The following CD163L1 variants were observed in gnomAD, a reference collection of about 807,000 sequenced individuals.
The protein encoded by CD163L1 is CD163 molecule like 1, also known as scavenger receptor cysteine-rich type 1 protein M160.
In CD163L1, 124 loss-of-function variants were observed where a neutral mutation model predicts 165.4. The ratio of observed to expected loss-of-function variants is 0.75; its 90% CI spans 0.65 to 0.87. The LOEUF is 0.87. Ranked by LOEUF, CD163L1 falls within the 40% of genes least tolerant of loss-of-function variation. CD163L1 has a pLI of 0.00. For synonymous variants in CD163L1, 585 were observed against 662.2 expected, an observed-to-expected ratio of 0.88 and a Z score of 1.79; for missense variants, 1,525 against 1,799.9, an observed-to-expected ratio of 0.85 and a Z score of 2.76.
At chr12:7,378,419 AC>A in intron 9 of CD163L1, among the ~76,000 whole-genome samples, 1 of 152,268 alleles carries the variant, frequency 6.6e-6, no homozygotes, top group Admixed American at 6.5e-5. Context: ...CATGCTTACA[AC>A]CTTCAATGAT....
At chr12:7,324,536 A>C in the CD163L1 span, 2 of 1,614,000 alleles carry the variant, frequency 1.2e-6, no homozygotes, top group Non-Finnish European at 8.5e-7. Context: ...GAGTGCACTC[A>C]TTGAGCATCC....
intron 4 of CD163L1, among the ~76,000 whole-genome samples, chr12:7,348,564 C>G (rs928334513): frequency 1.1e-4 from 16 of 151,966 alleles, no homozygotes; most frequent in African/African-American, 3.4e-4. Flanking sequence ...AATCCAGGCT[C>G]TTCATTTATA....
At chr12:7,380,641 G>A (rs1591902450) in intron 8 of CD163L1, among the ~76,000 whole-genome samples, 1 of 152,050 alleles carries the variant, frequency 6.6e-6, no homozygotes, top group Admixed American at 6.6e-5. Flanking sequence ...AAGGGTACGA[G>A]GGGTTTGAGG....
At chr12:7,404,092 A>T (rs1947968400) in intron 5 of CD163L1, among the ~76,000 whole-genome samples, 1 of 152,162 alleles carries the variant, frequency 6.6e-6, no homozygotes. Flanking sequence ...TTATGAAAAC[A>T]ATCTTCTTTT....
intron 4 of CD163L1, among the ~76,000 whole-genome samples, chr12:7,414,467 T>C (rs772955116): frequency 6.6e-6 from 1 of 152,076 alleles, no homozygotes; most frequent in Non-Finnish European, 1.5e-5. Context: ...ACAAGACCTA[T>C]ATGACACTAT....
rs943497681 is a variant in CD163L1 at position 7,441,203 on chromosome 12, C to G, written c.75G>C (p.Val25=). 1.9e-6 allele frequency: 3 copies of G among 1,613,922 alleles called. No homozygotes were observed. The African/African-American group carries it at 4.0e-5, about 22-fold the overall frequency. The change falls in exon 2 of 20, where the codon GTG becomes GTC. Residue 25 remains valine, a synonymous_variant. Coordinates refer to ENST00000313599, the MANE Select transcript of CD163L1 (RefSeq NM_174941.6). ...AATTCAGGAGCAGGATGCAAGTTAC[C>G]ACAGCAGAGAAAAGGTTCTGATGAC... ...CCCHQNLFSA[V]VTCILLLNSC... is the part of the protein sequence containing the mutation.
chr12:7,432,535 G>T lies in CD163L1; in HGVS notation c.647C>A (p.Pro216His). ...GVVNSPAVLRPIWLDDILCQG... is the reference protein window; with the variant it reads ...GVVNSPAVLRHIWLDDILCQG... Reference sequence around the variant, plus strand: ...GCATAAAATGTCATCCAGCCAAATGGGGCGCAATACAGCAGGGCTATTAAC... The same window carrying T: ...GCATAAAATGTCATCCAGCCAAATGTGGCGCAATACAGCAGGGCTATTAAC... The change falls in exon 4 of 20, where the codon CCC becomes CAC. Residue 216 changes from proline to histidine, a missense_variant. Transcript: ENST00000313599. The surrounding 1 kb of genome is among the most constrained non-coding windows in gnomAD (Gnocchi z 4.2). 6.2e-7 allele frequency: 1 copy of T among 1,614,104 alleles called. No homozygotes were observed. Among genetic ancestry groups the T allele is most frequent in the Non-Finnish European group, 8.5e-7 (1 of 1,180,032 alleles).
At position 7,375,359 on chromosome 12, in the gene CD163L1, G is replaced by A; in HGVS notation, c.2923C>T (p.Leu975Phe). The A allele has an allele frequency of 6.2e-7, 1 of 1,614,162 alleles. No individual in the cohort carries two copies. The highest frequency in any genetic ancestry group is 1.1e-5 in the South Asian group (1 of 91,078). The change falls in exon 11 of 20, where the codon CTT (leucine) becomes TTT (phenylalanine). Residue 975 changes from leucine (L) to phenylalanine (F), a missense_variant. Transcript: ENST00000313599. ...HRFHCLGNES[L>F]LDNCQMTVLG... ...ACTGTCATTTGACAGTTATCCAGAAGTGACTCATTCCCTAAGCAATGAAAC... is the reference window on the plus strand; with the variant it reads ...ACTGTCATTTGACAGTTATCCAGAAATGACTCATTCCCTAAGCAATGAAAC...
chr12:7,380,288 T>C (rs1277989132), intron 8 of CD163L1, among the ~76,000 whole-genome samples: 1 of 151,424 alleles, frequency 6.6e-6, no homozygotes, highest in African/African-American at 2.4e-5. Context: ...TGTGTGTGTG[T>C]GTGTGTGTGT....
chr12:7,366,211 T>TA (rs1343328120), intron 18 of CD163L1, among the ~76,000 whole-genome samples: 1 of 151,994 alleles, frequency 6.6e-6, no homozygotes, highest in Admixed American at 6.6e-5. Context: ...ACCATTAAGA[T>TA]AGAGTGTAGA....
chr12:7,431,719 C>T (rs947950528), intron 4 of CD163L1, among the ~76,000 whole-genome samples: 1 of 151,672 alleles, frequency 6.6e-6, no homozygotes, highest in Non-Finnish European at 1.5e-5. Context: ...AACAAACCTG[C>T]ATGTTGTGCA....
chr12:7,433,340 T>C (rs765848126), intron 3 of CD163L1, 34 bp downstream of exon 3: 1 of 1,546,998 alleles, frequency 6.5e-7, no homozygotes, highest in South Asian at 1.3e-5. Context: ...AGGGTAGGTC[T>C]TACCTTGCCT....
the CD163L1 span, chr12:7,326,861 G>A: frequency 5.9e-6 from 7 of 1,188,754 alleles, no homozygotes; most frequent in East Asian, 1.9e-4. Flanking sequence ...GGCATTTGCA[G>A]TCATCACACA....
At chr12:7,407,558 C>CAAAGA (rs1322977608) in intron 4 of CD163L1, among the ~76,000 whole-genome samples, 1 of 150,894 alleles carries the variant, frequency 6.6e-6, no homozygotes, top group African/African-American at 2.4e-5. Context: ...AAATTGACCA[C>CAAAGA]TACGTATATG....
rs1947258716 is a variant in CD163L1, at chr12:7,375,858, G to A, written c.2528C>T (p.Ser843Phe). Reference protein sequence around the residue: ...CRELNCGDAISLSVGDHFGKG... With the variant: ...CRELNCGDAIFLSVGDHFGKG... ...TCCAAAGTGATCTCCCACAGAAAGA[G>A]ATATGGCATCTCCACAGTTTAATTC... Residue 843 changes from serine (S) to phenylalanine (F), a missense_variant, in exon 10 of 20, where the codon TCT (serine) becomes TTT (phenylalanine). Ser to Phe is a radical substitution (Grantham distance 155). Transcript: ENST00000313599. The A allele has an allele frequency of 1.9e-6, 3 of 1,614,084 alleles. No individual in the cohort carries two copies. Among genetic ancestry groups the A allele is most frequent in the Non-Finnish European group, 1.7e-6 (2 of 1,180,032 alleles).
intron 8 of CD163L1, among the ~76,000 whole-genome samples, chr12:7,395,179 G>C (rs752163426): frequency 1.3e-5 from 2 of 152,268 alleles, no homozygotes; most frequent in East Asian, 3.9e-4. Context: ...CAATAGCAAA[G>C]ACTTGGAACC....
chr12:7,421,430 T>C (rs1259507528), intron 4 of CD163L1, among the ~76,000 whole-genome samples: 4 of 120,956 alleles, frequency 3.3e-5, no homozygotes, highest in Non-Finnish European at 4.9e-5. Context: ...TACATATATG[T>C]ACATATATAC....
intron 4 of CD163L1, among the ~76,000 whole-genome samples, chr12:7,427,449 T>C (rs781037478): frequency 1.2e-4 from 19 of 152,132 alleles, no homozygotes; most frequent in Non-Finnish European, 2.1e-4. Context: ...CTGTATTGCA[T>C]GCTTAAAAGC....
In CD163L1 at chr12:7,367,285, C is replaced by G. The variant is rs1565774282; in HGVS notation, c.4230G>C (p.Glu1410Asp). The G allele has an allele frequency of 6.2e-7, 1 of 1,613,448 alleles. No individual in the cohort carries two copies. Among genetic ancestry groups the G allele is most frequent in the Non-Finnish European group, 8.5e-7 (1 of 1,179,614 alleles). Reference protein sequence around the residue: ...RGSLEENLFHEMETCLKREDP... With the variant: ...RGSLEENLFHDMETCLKREDP... ...CCTCTCTCTTGAGGCAGGTCTCCAT[C>G]TCATGGAATAAATTCTCCTCGAGAG... Residue 1410 changes from glutamate (E) to aspartate (D), a missense_variant, in exon 18 of 20, where the codon GAG (glutamate) becomes GAC (aspartate). Physicochemically the swap from Glu to Asp is conservative, Grantham distance 45. Coordinates refer to ENST00000313599, the MANE Select transcript of CD163L1 (RefSeq NM_174941.6).
Sources: gnomAD v4.1 joint callset for allele counts (sites outside exome capture counted in the v4.1 genomes callset) on GRCh38, gnomAD v4.1.1 for gene constraint, Gnocchi (gnomAD v3.1) non-coding constraint, MANE v1.5 for transcripts, NCBI Gene and HGNC (gene_info 2026-07-23, HGNC 2026-07-21) for gene names.